BCKDHB: variants seen among roughly 807,000 people sequenced by gnomAD.
The protein encoded by BCKDHB is branched chain keto acid dehydrogenase E1 subunit beta.
A neutral mutation model predicts 48.5 loss-of-function variants in BCKDHB; 41 were observed. The ratio of observed to expected loss-of-function variants is 0.85; its 90% CI spans 0.66 to 1.10. The LOEUF is 1.10. BCKDHB is among the 50% of genes least tolerant of loss of function. BCKDHB has a pLI of 0.00. For synonymous variants in BCKDHB, 201 were observed against 174.8 expected, an observed-to-expected ratio of 1.15 and a Z score of -1.18; for missense variants, 496 against 494.2, an observed-to-expected ratio of 1.00 and a Z score of -0.03.
intron 9 of BCKDHB, among the ~76,000 whole-genome samples, chr6:80,309,551 G>A (rs1176658024): frequency 1.3e-5 from 2 of 152,032 alleles, no homozygotes; most frequent in African/African-American, 2.4e-5. Flanking sequence ...TAACAAAAGA[G>A]TAAGTATTCA....
intron 9 of BCKDHB, among the ~76,000 whole-genome samples, chr6:80,334,700 A>G (rs1769482265): frequency 6.6e-6 from 1 of 151,836 alleles, no homozygotes; most frequent in Admixed American, 6.6e-5. Flanking sequence ...CATTGTGTAG[A>G]TAAAAATAGA....
the BCKDHB span, among the ~76,000 whole-genome samples, chr6:80,451,064 A>G: frequency 6.6e-6 from 1 of 152,190 alleles, no homozygotes; most frequent in Non-Finnish European, 1.5e-5. Context: ...CCAGGAAATA[A>G]TTCAGGATTA....
chr6:80,344,004 T>A lies in BCKDHB; in HGVS notation c.*200T>A, dbSNP rs1299461413. 3 of 616,306 alleles carry A rather than the reference T, an allele frequency of 4.9e-6. No homozygotes were observed. The highest frequency in any genetic ancestry group is 8.5e-6 in the Non-Finnish European group (3 of 354,720). The allele number at this position is 616,306 out of a possible 1,614,324, so 38.2% of individuals were successfully genotyped here. On this transcript the variant is annotated 3_prime_UTR_variant, in exon 10 of 10. Transcript: ENST00000320393. ...TATAGTAGTATATTTACATTTTTGT[T>A]GTTGTTGTTGTTCTGAGATGGAGTC...
chr6:80,238,327 G>A (rs1485834439), intron 8 of BCKDHB, among the ~76,000 whole-genome samples: 2 of 152,142 alleles, frequency 1.3e-5, no homozygotes, highest in Non-Finnish European at 2.9e-5. Flanking sequence ...TTGAACTCCT[G>A]ACCTCAGGTC....
intron 8 of BCKDHB, among the ~76,000 whole-genome samples, chr6:80,245,885 G>C (rs933935375): frequency 2.6e-5 from 4 of 152,110 alleles, no homozygotes; most frequent in Non-Finnish European, 1.5e-5. Flanking sequence ...AGACCAGCCT[G>C]GGCAATATGA....
intron 6 of BCKDHB, among the ~76,000 whole-genome samples, chr6:80,171,673 A>G (rs767142492): frequency 1.3e-5 from 2 of 152,124 alleles, no homozygotes; most frequent in Non-Finnish European, 2.9e-5. Flanking sequence ...CTTAGTAAAT[A>G]TGGATTGAAC....
chr6:80,201,074 T>C (rs898190816), intron 7 of BCKDHB, 43 bp downstream of exon 7: 3 of 1,467,018 alleles, frequency 2.0e-6, no homozygotes, highest in Non-Finnish European at 2.9e-6. Context: ...ACGTTGTGCT[T>C]GGAAGCTCTC....
intron 8 of BCKDHB, among the ~76,000 whole-genome samples, chr6:80,205,835 T>TGG (rs781631037): frequency 1.6e-5 from 2 of 125,002 alleles, no homozygotes; most frequent in East Asian, 4.2e-4. Flanking sequence ...TGTGTGTGTG[T>TGG]AGGTGGATTG....
intron 8 of BCKDHB, among the ~76,000 whole-genome samples, chr6:80,256,423 T>C (rs944047315): frequency 6.6e-6 from 1 of 152,172 alleles, no homozygotes; most frequent in African/African-American, 2.4e-5. Context: ...ATGGTAAGTA[T>C]TTGTGTATCA....
chr6:80,230,824 G>T (rs10943699), intron 8 of BCKDHB, among the ~76,000 whole-genome samples: 58 of 152,092 alleles, frequency 3.8e-4, no homozygotes, highest in African/African-American at 1.3e-3. Flanking sequence ...GAACCCACTC[G>T]TGATAAAGTC....
chr6:80,323,020 G>A (rs1040435570), intron 9 of BCKDHB, among the ~76,000 whole-genome samples: 3 of 151,606 alleles, frequency 2.0e-5, no homozygotes, highest in Non-Finnish European at 2.9e-5. Flanking sequence ...TCATGCTATG[G>A]AATTGGACAG....
chr6:80,220,221 A>G (rs1033769575), intron 8 of BCKDHB, among the ~76,000 whole-genome samples: 12 of 146,216 alleles, frequency 8.2e-5, no homozygotes, highest in Non-Finnish European at 1.4e-4. Context: ...CCTTTATTGT[A>G]TCATTTAATT....
At chr6:80,200,241 G>T (rs148519749) in intron 6 of BCKDHB, among the ~76,000 whole-genome samples, 11 of 152,066 alleles carry the variant, frequency 7.2e-5, no homozygotes, top group Admixed American at 4.6e-4. Flanking sequence ...TTTTCTCTCA[G>T]ATACCAGTGG....
At chr6:80,156,074 G>C (rs1188923312) in intron 3 of BCKDHB, among the ~76,000 whole-genome samples, 4 of 151,850 alleles carry the variant, frequency 2.6e-5, no homozygotes, top group African/African-American at 9.7e-5. Flanking sequence ...CCTTCTCCCT[G>C]CCTGGGGTAC....
At chr6:80,443,056 C>T in the BCKDHB span, among the ~76,000 whole-genome samples, 2,615 of 152,144 alleles carry the variant, frequency 0.017, 43 homozygotes, top group South Asian at 0.031. Context: ...GAGCCTAAGT[C>T]ATCCAGAAAG....
At chr6:80,377,625 G>T in the BCKDHB span, among the ~76,000 whole-genome samples, 1 of 152,130 alleles carries the variant, frequency 6.6e-6, no homozygotes, top group East Asian at 1.9e-4. Flanking sequence ...ACCCTTGTTG[G>T]AAATGAGTTG....
intron 9 of BCKDHB, among the ~76,000 whole-genome samples, chr6:80,295,961 C>T: frequency 6.6e-6 from 1 of 152,142 alleles, no homozygotes; most frequent in East Asian, 1.9e-4. Flanking sequence ...GTATACTTTA[C>T]TCAATTGTTA....
intron 9 of BCKDHB, among the ~76,000 whole-genome samples, chr6:80,291,092 T>A (rs896770234): frequency 3.3e-5 from 5 of 152,210 alleles, no homozygotes; most frequent in African/African-American, 1.2e-4. Context: ...ATCCTGTGAA[T>A]TGGAATGCCT....
chr6:80,172,787 T>C (rs191692018), intron 6 of BCKDHB, among the ~76,000 whole-genome samples: 1 of 152,304 alleles, frequency 6.6e-6, no homozygotes, highest in East Asian at 1.9e-4. Flanking sequence ...TGTGTCATTT[T>C]ACACTTTCAT....
Sources: allele counts gnomAD v4.1 joint callset (sites outside exome capture counted in the v4.1 genomes callset), GRCh38; gene constraint gnomAD v4.1.1; transcripts MANE v1.5; gene names NCBI Gene and HGNC (gene_info 2026-07-23, HGNC 2026-07-21).